AFF3: variants seen among roughly 807,000 people sequenced by gnomAD.
AFF3 encodes the protein AF4/FMR2 family member 3.
Under a neutral mutation model 129.7 loss-of-function variants are expected in AFF3, and 32 were observed. The ratio of observed to expected loss-of-function variants is 0.25; its 90% confidence interval spans 0.19 to 0.33. The LOEUF is 0.33. AFF3 is among the 10% of genes least tolerant of loss of function. The pLI is 1.00. For synonymous variants in AFF3, 644 were observed against 635.4 expected (o/e 1.01, Z -0.20); for missense variants, 1,373 against 1,592.0 (o/e 0.86, Z 2.34).
chr2:99,799,304 AAC>A (rs1192565510), intron 8 of AFF3, among the ~76,000 whole-genome samples: 4 of 152,132 alleles, frequency 2.6e-5, no homozygotes, highest in East Asian at 3.9e-4. Flanking sequence ...CATAAAATGA[AAC>A]ACAGAGAGAA....
intron 13 of AFF3, among the ~76,000 whole-genome samples, chr2:99,648,444 T>G (rs1027882901): frequency 1.3e-5 from 2 of 152,216 alleles, no homozygotes; most frequent in African/African-American, 4.8e-5. Flanking sequence ...CTCCTCCTAC[T>G]GACACATTCA....
intron 14 of AFF3, among the ~76,000 whole-genome samples, chr2:99,597,693 T>G: frequency 6.6e-6 from 1 of 152,364 alleles, no homozygotes; most frequent in South Asian, 2.1e-4. Context: ...CAGAGTTTAG[T>G]GGCAGTGAGG....
chr2:100,130,031 G>A (rs1156464827), intron 1 of AFF3, among the ~76,000 whole-genome samples: 2 of 152,186 alleles, frequency 1.3e-5, no homozygotes, highest in Non-Finnish European at 2.9e-5. Context: ...TGAAAAGGAG[G>A]CATGCCATGG....
chr2:99,826,701 T>G (rs1316203032), intron 8 of AFF3, among the ~76,000 whole-genome samples: 1 of 152,006 alleles, frequency 6.6e-6, no homozygotes, highest in African/African-American at 2.4e-5. Flanking sequence ...AAGATGAGTC[T>G]GGAAGCATAC....
chr2:99,658,658 T>C (rs1685968203), intron 12 of AFF3, among the ~76,000 whole-genome samples: 2 of 152,328 alleles, frequency 1.3e-5, no homozygotes, highest in South Asian at 2.1e-4. Flanking sequence ...ATTTAAGATA[T>C]TGAAACAGAG....
intron 7 of AFF3, among the ~76,000 whole-genome samples, chr2:99,908,610 A>C (rs1437779605): frequency 6.6e-6 from 1 of 152,226 alleles, no homozygotes; most frequent in Non-Finnish European, 1.5e-5. Context: ...CCTAAAATGA[A>C]CTCAAACAAA....
intron 8 of AFF3, among the ~76,000 whole-genome samples, chr2:99,760,939 T>A (rs1682524658): frequency 6.6e-6 from 1 of 151,976 alleles, no homozygotes; most frequent in Non-Finnish European, 1.5e-5. Flanking sequence ...TTTCCTTTTT[T>A]TTTTTGAGAT....
chr2:99,761,855 T>C (rs768128768), intron 8 of AFF3, among the ~76,000 whole-genome samples: 6 of 152,152 alleles, frequency 3.9e-5, no homozygotes, highest in Non-Finnish European at 8.8e-5. Flanking sequence ...CCCGGTCCAA[T>C]TGTTCAAGAT....
At chr2:99,655,737 T>C (rs1387268295) in intron 12 of AFF3, among the ~76,000 whole-genome samples, 2 of 152,164 alleles carry the variant, frequency 1.3e-5, no homozygotes, top group East Asian at 3.8e-4. Context: ...GAATCTATTA[T>C]ATAATTAAAA....
rs150320135 is a variant in AFF3 at position 99,828,561 on chromosome 2, G to A, written c.921+8916C>T. 2.5e-3 allele frequency among the ~76,000 whole-genome samples: 374 copies of A among 152,272 alleles called. 3 individuals carry two copies. The highest frequency in any genetic ancestry group is 4.3e-3 in the Non-Finnish European group (291 of 68,022). On this transcript the variant is annotated intron_variant, in intron 8 of 24. Coordinates refer to ENST00000672756, the MANE Select transcript of AFF3 (RefSeq NM_001386135.1). Reference sequence around the variant, plus strand: ...GAGCTAGCAGAGACCGCCACGAGACGGACCCACTTCCAAAGGGGGCCATGA... The same window carrying A: ...GAGCTAGCAGAGACCGCCACGAGACAGACCCACTTCCAAAGGGGGCCATGA...
chr2:100,100,168 G>A (rs1398281318), intron 4 of AFF3, among the ~76,000 whole-genome samples: 4 of 101,378 alleles, frequency 3.9e-5, no homozygotes, highest in Admixed American at 1.2e-4. Context: ...AATGGGGTGA[G>A]TGGTAGGGAA....
intron 7 of AFF3, among the ~76,000 whole-genome samples, chr2:99,968,502 CT>C (rs575635443): frequency 9.0e-4 from 137 of 152,154 alleles, no homozygotes; most frequent in Middle Eastern, 3.4e-3. Context: ...TAAAGCAAAT[CT>C]TTTTTTTCTC....
Position 100,077,800 on chromosome 2 carries a change from T to C in AFF3, c.53+26602A>G, listed in dbSNP as rs1393781966. On this transcript the variant is annotated intron_variant, in intron 4 of 24. Transcript: ENST00000672756. ...TTTATCTGGAAACCACTCAGCATCA[T>C]AGAGTTTTTAAGGCTGGATAAACTA... Among the ~76,000 whole-genome samples, 9 of 152,178 alleles carry C rather than the reference T, an allele frequency of 5.9e-5. No homozygotes were observed. The South Asian group carries it at 8.3e-4, about 14-fold the overall frequency.
chr2:100,070,993 G>A (rs1688140455), intron 4 of AFF3, among the ~76,000 whole-genome samples: 1 of 152,116 alleles, frequency 6.6e-6, no homozygotes, highest in Non-Finnish European at 1.5e-5. Flanking sequence ...TAAAATTGCT[G>A]ATAGGAATGA....
At chr2:99,739,172 A>G (rs572169523) in intron 10 of AFF3, among the ~76,000 whole-genome samples, 12 of 152,036 alleles carry the variant, frequency 7.9e-5, no homozygotes, top group African/African-American at 2.2e-4. Flanking sequence ...AGCAATTCGC[A>G]CTTGTTCTCT....
chr2:99,989,001 AT>A (rs774476017), intron 7 of AFF3, among the ~76,000 whole-genome samples: 7 of 152,332 alleles, frequency 4.6e-5, no homozygotes, highest in Admixed American at 1.3e-4. Flanking sequence ...CTAGGATAAA[AT>A]TAAAAGGAAT....
chr2:99,663,455 A>T (rs1354913263), intron 12 of AFF3, among the ~76,000 whole-genome samples: 1 of 152,250 alleles, frequency 6.6e-6, no homozygotes, highest in African/African-American at 2.4e-5. Flanking sequence ...TGCATTATAA[A>T]TAAGAAAATA....
intron 7 of AFF3, among the ~76,000 whole-genome samples, chr2:99,941,494 C>T (rs1675038060): frequency 6.6e-6 from 1 of 152,208 alleles, no homozygotes; most frequent in South Asian, 2.1e-4. Flanking sequence ...CTGCATATCA[C>T]GATGATCCAT....
chr2:99,741,473 C>T (rs1319144625), intron 10 of AFF3, among the ~76,000 whole-genome samples: 1 of 152,034 alleles, frequency 6.6e-6, no homozygotes, highest in Admixed American at 6.6e-5. Context: ...TTCACAATTG[C>T]TTGAAAGAGA....
Sources: allele counts gnomAD v4.1 joint callset (sites outside exome capture counted in the v4.1 genomes callset), GRCh38; gene constraint gnomAD v4.1.1; transcripts MANE v1.5; gene names NCBI Gene and HGNC (gene_info 2026-07-23, HGNC 2026-07-21).